RAMP3: variants seen among roughly 807,000 people sequenced by gnomAD.
RAMP3 encodes receptor activity modifying protein 3, also known as receptor activity-modifying protein 3.
A neutral mutation model predicts 13.5 loss-of-function variants in RAMP3; 14 were observed. The observed-to-expected ratio is 1.04, with a 90% CI of 0.69 to 1.63. The LOEUF is 1.63. Ranked by LOEUF, RAMP3 falls within the 40% of genes most tolerant of loss-of-function variation. RAMP3 has a pLI of 0.00. For synonymous variants in RAMP3, 106 were observed against 88.3 expected (o/e 1.20, Z -1.12); for missense variants, 200 against 204.8 (o/e 0.98, Z 0.14).
At chr7:45,171,672 T>G (rs534213368) in intron 1 of RAMP3, among the ~76,000 whole-genome samples, 1 of 152,176 alleles carries the variant, frequency 6.6e-6, no homozygotes, top group African/African-American at 2.4e-5. Context: ...AGTGGCATGA[T>G]CATGGCTCAC....
intron 1 of RAMP3, among the ~76,000 whole-genome samples, chr7:45,176,822 A>T (rs566279802): frequency 2.6e-5 from 4 of 152,290 alleles, no homozygotes; most frequent in East Asian, 1.9e-4. Flanking sequence ...GGTTTCCCAG[A>T]ATTGGAGGGG....
chr7:45,159,234 G>A (rs1042433223), intron 1 of RAMP3, among the ~76,000 whole-genome samples: 1 of 152,206 alleles, frequency 6.6e-6, no homozygotes, highest in Non-Finnish European at 1.5e-5. Context: ...GCCAGAATAG[G>A]GACCAGGTCC....
At chr7:45,163,086 C>G (rs1199890944) in intron 1 of RAMP3, 1 of 869,980 alleles carries the variant, frequency 1.1e-6, no homozygotes, top group Non-Finnish European at 1.4e-6. Context: ...GACCCCATGT[C>G]TGAATCACTT....
At chr7:45,174,989 C>T (rs763487683) in intron 1 of RAMP3, among the ~76,000 whole-genome samples, 2 of 152,224 alleles carry the variant, frequency 1.3e-5, no homozygotes, top group African/African-American at 4.8e-5. Context: ...TGTGCAGACC[C>T]TGTGGGACCA....
At chr7:45,160,331 A>C (rs534831296) in intron 1 of RAMP3, among the ~76,000 whole-genome samples, 574 of 43,742 alleles carry the variant, frequency 0.013, 5 homozygotes, top group African/African-American at 0.12. Context: ...ACTCTGCCTC[A>C]AAAAAAAAAA....
chr7:45,182,724 C>T (rs1399339502), intron 2 of RAMP3, among the ~76,000 whole-genome samples: 2 of 152,196 alleles, frequency 1.3e-5, no homozygotes, highest in African/African-American at 4.8e-5. Context: ...TGGCTGGCCC[C>T]TGGCCTCAGA....
At chr7:45,173,989 T>C (rs1252127085) in intron 1 of RAMP3, among the ~76,000 whole-genome samples, 1 of 148,204 alleles carries the variant, frequency 6.7e-6, no homozygotes, top group African/African-American at 2.5e-5. Flanking sequence ...AGGGGTGAGG[T>C]GGGGGTGTTG....
At chr7:45,180,872 C>A (rs992569676) in intron 2 of RAMP3, among the ~76,000 whole-genome samples, 1 of 152,198 alleles carries the variant, frequency 6.6e-6, no homozygotes, top group African/African-American at 2.4e-5. Context: ...AGTGGAGAGG[C>A]CCCAGATTAT....
At chr7:45,177,499 A>G (rs1786215611) in intron 2 of RAMP3, 58 bp downstream of exon 2, 1 of 1,607,204 alleles carries the variant, frequency 6.2e-7, no homozygotes, top group South Asian at 1.1e-5. Flanking sequence ...CCACTGCCCA[A>G]CCACTGCCTG....
rs1786357481 is a variant in RAMP3 at position 45,183,322 on chromosome 7, C to T, written c.357C>T (p.Leu119=). Residue 119 remains leucine, a synonymous_variant, in exon 3 of 3, where the codon CTC becomes CTT. Transcript: ENST00000242249. ...VHLEDPPDEV[L]IPLIVIPVVL... The stretch of plus-strand genomic sequence containing the variant: ...TGGAGGACCCCCCAGACGAGGTTCT[C>T]ATCCCGCTGATCGTTATACCCGTCG... The T allele has an allele frequency of 4.3e-6, 7 of 1,613,992 alleles. No individual in the cohort carries two copies. The highest frequency in any genetic ancestry group is 1.1e-5 in the South Asian group (1 of 91,094).
chr7:45,180,731 G>T (rs1417837165), intron 2 of RAMP3, among the ~76,000 whole-genome samples: 1 of 152,268 alleles, frequency 6.6e-6, no homozygotes, highest in Non-Finnish European at 1.5e-5. Context: ...CCCCAGAGGT[G>T]GGTGGGGGGA....
chr7:45,180,827 A>T (rs1162185487), intron 2 of RAMP3, among the ~76,000 whole-genome samples: 3 of 152,162 alleles, frequency 2.0e-5, no homozygotes, highest in Admixed American at 6.5e-5. Flanking sequence ...CATCTTTTTT[A>T]GGGAGAGTGC....
At chr7:45,171,172 TC>T (rs199961356) in intron 1 of RAMP3, among the ~76,000 whole-genome samples, 19 of 151,026 alleles carry the variant, frequency 1.3e-4, no homozygotes, top group Middle Eastern at 3.5e-3. Flanking sequence ...TTTTTTTTTT[TC>T]GAGACAGAGT....
chr7:45,163,819 G>A, intron 1 of RAMP3: 6 of 985,398 alleles, frequency 6.1e-6, no homozygotes, highest in Non-Finnish European at 4.8e-6. Context: ...CTGGAGGGTG[G>A]CACGGTCAAG....
chr7:45,176,349 A>C (rs1299848175), intron 1 of RAMP3, among the ~76,000 whole-genome samples: 1 of 152,082 alleles, frequency 6.6e-6, no homozygotes, highest in Non-Finnish European at 1.5e-5. Flanking sequence ...GTATGCATAC[A>C]CATATGCACT....
At chr7:45,177,172 G>A (rs1310265426) in intron 1 of RAMP3, 137 bp from the exon 2 acceptor site, 2 of 1,118,268 alleles carry the variant, frequency 1.8e-6, no homozygotes, top group East Asian at 5.0e-5. Flanking sequence ...GAGGGTGAAG[G>A]ACTCCGCTGG....
intron 2 of RAMP3, among the ~76,000 whole-genome samples, chr7:45,182,676 C>A (rs557232880): frequency 6.6e-6 from 1 of 152,330 alleles, no homozygotes; most frequent in African/African-American, 2.4e-5. Context: ...ACTTGGCCAC[C>A]ACCTGGCACA....
rs138269401 is a variant in RAMP3, at chr7:45,177,436, C to G, written c.186C>G (p.Phe62Leu). 4.3e-6 allele frequency: 7 copies of G among 1,613,964 alleles called. No homozygotes were observed. The change falls in exon 2 of 3, where the codon TTC becomes TTG. Residue 62 changes from phenylalanine to leucine, a missense_variant. Coordinates refer to ENST00000242249, the MANE Select transcript of RAMP3 (RefSeq NM_005856.3). The stretch of plus-strand genomic sequence containing the variant: ...GGAAGTGGTGCAACCTGTCCGAGTT[C>G]ATCGTGTGAGTGCCACTGCTGGGCG... ...DVWKWCNLSE[F>L]IVYYESFTNC...
intron 1 of RAMP3, among the ~76,000 whole-genome samples, chr7:45,167,080 C>A (rs1338031351): frequency 1.3e-5 from 2 of 151,584 alleles, no homozygotes; most frequent in Non-Finnish European, 2.9e-5. Flanking sequence ...GCCTCAGCCT[C>A]CCCAGTGGCT....
Sources: gnomAD v4.1 joint callset for allele counts (sites outside exome capture counted in the v4.1 genomes callset) on GRCh38, gnomAD v4.1.1 for gene constraint, MANE v1.5 for transcripts, NCBI Gene and HGNC (gene_info 2026-07-23, HGNC 2026-07-21) for gene names.